ZNF540: variants seen among roughly 807,000 people sequenced by gnomAD.
ZNF540 encodes the protein zinc finger protein 540.
A neutral mutation model predicts 11.8 loss-of-function variants in ZNF540; 3 were observed. The observed-to-expected ratio is 0.25, with a 90% CI of 0.12 to 0.65. ZNF540 has a LOEUF of 0.65. ZNF540 is among the 30% of genes least tolerant of loss of function. The pLI is 0.83. For missense variants in ZNF540, 709 were observed against 793.1 expected (o/e 0.89, Z 1.27); for synonymous variants, 247 against 259.0 (o/e 0.95, Z 0.45).
chr19:37,569,875 T>C lies in ZNF540; in HGVS notation c.-73+18210T>C, dbSNP rs926705011. 3 of 152,298 alleles carry C rather than the reference T, an allele frequency of 2.0e-5. No individual in the cohort carries two copies. The highest frequency in any genetic ancestry group is 7.2e-5 in the African/African-American group (3 of 41,452). 9.4% of individuals were successfully genotyped at this position (152,298 alleles called of 1,614,324 possible). Reference sequence around the variant, plus strand: ...GGCTCACCTGAAACTTCATGTACCATTGCACTTCCTGAGAAGCTGTCCCCA... The same window carrying C: ...GGCTCACCTGAAACTTCATGTACCACTGCACTTCCTGAGAAGCTGTCCCCA... On this transcript the variant is annotated intron_variant, in intron 1 of 4. Transcript: ENST00000592533. The surrounding 1 kb of genome is among the most constrained non-coding windows in gnomAD (Gnocchi z 4.4).
intron 1 of ZNF540, among the ~76,000 whole-genome samples, chr19:37,576,039 G>C (rs1210682638): frequency 6.7e-6 from 1 of 148,176 alleles, no homozygotes; most frequent in Non-Finnish European, 1.5e-5. Context: ...AGGCATACAT[G>C]CATACACACA....
intron 1 of ZNF540, among the ~76,000 whole-genome samples, chr19:37,589,237 A>C (rs991978840): frequency 1.3e-5 from 2 of 151,766 alleles, no homozygotes; most frequent in Non-Finnish European, 2.9e-5. Flanking sequence ...AAAATGCTAG[A>C]AGGAAAAACA....
chr19:37,574,974 A>G (rs963981815), intron 1 of ZNF540, among the ~76,000 whole-genome samples: 11 of 152,138 alleles, frequency 7.2e-5, no homozygotes, highest in African/African-American at 2.2e-4. Context: ...AAATTACCCA[A>G]TCCTTTACAT....
At chr19:37,591,901 A>G (rs2043879778), upstream of ZNF540, among the ~76,000 whole-genome samples, 1 of 152,242 alleles carries the variant, frequency 6.6e-6, no homozygotes, top group Non-Finnish European at 1.5e-5. Context: ...TATATATAGA[A>G]GAACTGTAAC....
intron 1 of ZNF540, chr19:37,554,755 TGAGTTA>T (rs1245825016): frequency 1.3e-5 from 2 of 152,274 alleles, no homozygotes; most frequent in African/African-American, 4.8e-5. Context: ...TTGTTGTACC[TGAGTTA>T]GAGAAAACGC....
chr19:37,555,912 C>G (rs367713735), intron 1 of ZNF540: 5 of 700,668 alleles, frequency 7.1e-6, no homozygotes, highest in African/African-American at 5.2e-5. Flanking sequence ...TCTGGTTGAT[C>G]CCCCAGAGTA....
At chr19:37,572,686 CT>C (rs1380428325) in intron 1 of ZNF540, among the ~76,000 whole-genome samples, 1 of 152,170 alleles carries the variant, frequency 6.6e-6, no homozygotes, top group Admixed American at 6.5e-5. Context: ...AACAATGTGG[CT>C]TTCTGAACTT....
intron 3 of ZNF540, among the ~76,000 whole-genome samples, chr19:37,600,154 T>C (rs896171331): frequency 1.3e-5 from 2 of 152,208 alleles, no homozygotes; most frequent in Non-Finnish European, 2.9e-5. Context: ...ACAATTTACA[T>C]GTCATGGTTC....
At chr19:37,611,454 C>A (rs2147234900) in intron 4 of ZNF540, 59 bp from the exon 5 acceptor site, 2 of 1,396,062 alleles carry the variant, frequency 1.4e-6, no homozygotes, top group Non-Finnish European at 1.9e-6. Context: ...AAAATGTAAA[C>A]TTTATGTTAT....
intron 1 of ZNF540, chr19:37,583,898 G>A: frequency 2.0e-6 from 3 of 1,474,828 alleles, no homozygotes; most frequent in Non-Finnish European, 2.8e-6. Context: ...AGGGAATGGA[G>A]ATCAGAAATT....
At position 37,566,072 on chromosome 19, in the gene ZNF540, G is replaced by C. The variant is rs775405046; in HGVS notation, c.-73+14407G>C. 4 of 1,613,956 alleles carry C rather than the reference G, an allele frequency of 2.5e-6. No individual in the cohort carries two copies. In the Admixed American group the frequency reaches 6.7e-5, roughly 27 times the overall value. On this transcript the variant is annotated intron_variant, in intron 1 of 4. Transcript: ENST00000592533. ...AGTAGAAGAGGTTGAATGACTTTCA[G>C]TGGCCTTTTCTTCACAGGTAATTTT...
chr19:37,564,753 C>T (rs2042785113), intron 1 of ZNF540: 1 of 1,613,572 alleles, frequency 6.2e-7, no homozygotes, highest in East Asian at 2.2e-5. Context: ...TCCTTACATT[C>T]ATAGGGTTTC....
Position 37,563,516 on chromosome 19 carries a change from T to C in ZNF540, c.-73+11851T>C, listed in dbSNP as rs542358711. On this transcript the variant is annotated intron_variant, in intron 1 of 4. Coordinates refer to the ZNF540 transcript ENST00000592533. Reference sequence around the variant, plus strand: ...AATATATATTTTATACACACACACATATACATATGGAATATATATATGGAA... The same window carrying C: ...AATATATATTTTATACACACACACACATACATATGGAATATATATATGGAA... 6 of 152,056 alleles carry C rather than the reference T, an allele frequency of 3.9e-5. No homozygotes were observed. In the East Asian group the frequency reaches 9.7e-4, roughly 24 times the overall value. The allele number at this position is 152,056 out of a possible 1,614,324, so 9.4% of individuals were successfully genotyped here.
chr19:37,579,310 T>A (rs2043361213), intron 1 of ZNF540, among the ~76,000 whole-genome samples: 1 of 152,158 alleles, frequency 6.6e-6, no homozygotes, highest in African/African-American at 2.4e-5. Flanking sequence ...ACTGGGGAAC[T>A]ACTTGCCCCA....
At chr19:37,610,047 T>A (rs1426439084) in intron 4 of ZNF540, among the ~76,000 whole-genome samples, 1 of 152,214 alleles carries the variant, frequency 6.6e-6, no homozygotes, top group Non-Finnish European at 1.5e-5. Flanking sequence ...AAGGGCTTTT[T>A]CATTTTATAC....
At chr19:37,554,330 C>G (rs1025676048) in intron 1 of ZNF540, among the ~76,000 whole-genome samples, 1 of 152,168 alleles carries the variant, frequency 6.6e-6, no homozygotes, top group Admixed American at 6.5e-5. Flanking sequence ...TTCTTTTTTC[C>G]CTGAGGCTTT....
At chr19:37,591,136 G>A (rs1046619193), upstream of ZNF540, among the ~76,000 whole-genome samples, 4 of 152,044 alleles carry the variant, frequency 2.6e-5, no homozygotes, top group African/African-American at 9.7e-5. Context: ...TAGAATAAAC[G>A]ACAGCCTTAT....
chr19:37,606,571 T>G (rs2044087100), intron 4 of ZNF540, among the ~76,000 whole-genome samples: 1 of 152,226 alleles, frequency 6.6e-6, no homozygotes, highest in Non-Finnish European at 1.5e-5. Context: ...TTTCTCTGTC[T>G]TCTCTCCAAC....
chr19:37,564,680 TCA>T, intron 1 of ZNF540: 1 of 1,613,482 alleles, frequency 6.2e-7, no homozygotes, highest in Non-Finnish European at 8.5e-7. Flanking sequence ...ATAGGGTTTC[TCA>T]CCAGTATGGA....
Sources: allele counts gnomAD v4.1 joint callset (sites outside exome capture counted in the v4.1 genomes callset), GRCh38; gene constraint gnomAD v4.1.1; non-coding constraint Gnocchi (gnomAD v3.1); transcripts MANE v1.5; gene names NCBI Gene and HGNC (gene_info 2026-07-23, HGNC 2026-07-21).